METTL15: variants seen among roughly 807,000 people sequenced by gnomAD.
METTL15 encodes the protein methyltransferase 15, mitochondrial 12S rRNA N4-cytidine.
METTL15 carries 34 observed loss-of-function variants against 38.3 expected under a neutral mutation model. The observed-to-expected ratio is 0.89, with a 90% CI of 0.68 to 1.18. METTL15 has a LOEUF of 1.18. Ranked by LOEUF, METTL15 falls within the 50% of genes most tolerant of loss-of-function variation. The pLI is 0.00. For synonymous variants in METTL15, 162 were observed against 170.9 expected (o/e 0.95, Z 0.41); for missense variants, 438 against 498.4 (o/e 0.88, Z 1.15).
At chr11:28,158,733 T>A (rs1203219370) in intron 3 of METTL15, among the ~76,000 whole-genome samples, 2 of 152,196 alleles carry the variant, frequency 1.3e-5, no homozygotes, top group Non-Finnish European at 2.9e-5. Flanking sequence ...CTTTATGGCT[T>A]AAGAAGTGCA....
intron 3 of METTL15, among the ~76,000 whole-genome samples, chr11:28,118,772 C>T (rs1164311567): frequency 1.2e-4 from 18 of 152,106 alleles, no homozygotes; most frequent in African/African-American, 3.4e-4. Context: ...AATTAACTTT[C>T]CATGGTTGTG....
intron 6 of METTL15, among the ~76,000 whole-genome samples, chr11:28,437,641 T>C (rs961121029): frequency 1.3e-5 from 2 of 152,228 alleles, no homozygotes; most frequent in African/African-American, 4.8e-5. Context: ...ATTTACAGTT[T>C]TGCTTAAATC....
intron 6 of METTL15, among the ~76,000 whole-genome samples, chr11:28,324,961 C>T (rs986311587): frequency 6.6e-6 from 1 of 152,214 alleles, no homozygotes; most frequent in Non-Finnish European, 1.5e-5. Flanking sequence ...TGCCCTGTGG[C>T]TCCTGCTGCC....
chr11:28,157,547 T>G (rs930351246), intron 3 of METTL15, among the ~76,000 whole-genome samples: 2 of 152,166 alleles, frequency 1.3e-5, no homozygotes, highest in African/African-American at 4.8e-5. Context: ...TCTTGGCCTG[T>G]TACTGGGCAT....
intron 6 of METTL15, among the ~76,000 whole-genome samples, chr11:28,463,765 G>A (rs1315129843): frequency 2.6e-5 from 4 of 151,754 alleles, no homozygotes; most frequent in Non-Finnish European, 5.9e-5. Context: ...GGTGGCTCCT[G>A]TGGGTTACTA....
chr11:28,238,242 G>A (rs936774085), intron 4 of METTL15, among the ~76,000 whole-genome samples: 2 of 152,212 alleles, frequency 1.3e-5, no homozygotes, highest in Non-Finnish European at 2.9e-5. Context: ...GCCTCCTTGA[G>A]CTGTGGTGGG....
chr11:28,485,679 A>G (rs1851432411), intron 6 of METTL15, among the ~76,000 whole-genome samples: 1 of 152,212 alleles, frequency 6.6e-6, no homozygotes, highest in Non-Finnish European at 1.5e-5. Context: ...CATTTCCTAT[A>G]TGAAATTTCA....
chr11:28,283,146 G>T (rs1043670659), intron 4 of METTL15, among the ~76,000 whole-genome samples: 1 of 152,074 alleles, frequency 6.6e-6, no homozygotes, highest in Admixed American at 6.6e-5. Context: ...GAGGATAAAC[G>T]AATAGATGTT....
intron 5 of METTL15, among the ~76,000 whole-genome samples, chr11:28,404,952 A>C (rs550236633): frequency 6.8e-4 from 103 of 152,292 alleles, no homozygotes; most frequent in Middle Eastern, 3.4e-3. Flanking sequence ...AATATTTGTA[A>C]GACCAATCAT....
rs145492509 is a variant in METTL15 at position 28,440,157 on chromosome 11, T to A, written c.*424+15793T>A. Among the ~76,000 whole-genome samples, 27 of 152,266 alleles carry A rather than the reference T, an allele frequency of 1.8e-4. 1 individual carries two copies. Among genetic ancestry groups the A allele is most frequent in the African/African-American group, 6.3e-4 (26 of 41,544 alleles). On this transcript the variant is annotated intron_variant and NMD_transcript_variant, in intron 6 of 7. Transcript: ENST00000532947. ...TCAATGTCATTTTCAGCATATATTT[T>A]ATTGTATCTTCTTGCATGCCCAATT...
At chr11:28,125,054 A>T (rs1044629752) in intron 3 of METTL15, among the ~76,000 whole-genome samples, 1 of 152,122 alleles carries the variant, frequency 6.6e-6, no homozygotes, top group Non-Finnish European at 1.5e-5. Context: ...GAAGTTAAAT[A>T]CAGACAGGTT....
chr11:28,412,987 A>G (rs1379923716), intron 5 of METTL15, among the ~76,000 whole-genome samples: 1 of 152,070 alleles, frequency 6.6e-6, no homozygotes, highest in Non-Finnish European at 1.5e-5. Context: ...ATATATATCT[A>G]TGTATCTATA....
chr11:28,449,599 TA>T (rs1851102655), intron 6 of METTL15, among the ~76,000 whole-genome samples: 3 of 152,178 alleles, frequency 2.0e-5, no homozygotes, highest in Admixed American at 2.0e-4. Context: ...CGTCTTCTCA[TA>T]TAGAAATGGT....
chr11:28,311,485 T>C (rs1307570307), intron 6 of METTL15, among the ~76,000 whole-genome samples: 1 of 152,198 alleles, frequency 6.6e-6, no homozygotes, highest in East Asian at 1.9e-4. Context: ...TTTGTCTACC[T>C]TATGAACTGT....
At chr11:28,292,973 A>G (rs1476646765) in intron 5 of METTL15, among the ~76,000 whole-genome samples, 1 of 152,152 alleles carries the variant, frequency 6.6e-6, no homozygotes, top group East Asian at 1.9e-4. Context: ...TCAGATGAGT[A>G]GGTTGCAAAA....
At chr11:28,242,198 CTTAT>C (rs1045318180) in intron 4 of METTL15, among the ~76,000 whole-genome samples, 11 of 152,158 alleles carry the variant, frequency 7.2e-5, no homozygotes, top group Admixed American at 2.0e-4. Flanking sequence ...TTAGCATATA[CTTAT>C]TTGTCAATCA....
At chr11:28,440,509 A>G (rs1375664172) in intron 6 of METTL15, among the ~76,000 whole-genome samples, 2 of 152,218 alleles carry the variant, frequency 1.3e-5, no homozygotes, top group African/African-American at 4.8e-5. Flanking sequence ...AGCCTGGGTA[A>G]CTTTCTCAAA....
intron 3 of METTL15, among the ~76,000 whole-genome samples, chr11:28,208,840 G>C (rs937370356): frequency 1.3e-5 from 2 of 151,906 alleles, no homozygotes; most frequent in African/African-American, 2.4e-5. Context: ...TTGTGGTGCT[G>C]GTTGGCTCAT....
Position 28,331,960 on chromosome 11 carries a change from A to G in METTL15, c.*1119A>G, listed in dbSNP as rs1393482045. The G allele has an allele frequency of 6.6e-5, 10 of 152,200 alleles. No homozygotes were observed. The highest frequency in any genetic ancestry group is 3.3e-4 in the Admixed American group (5 of 15,278). 9.4% of individuals were successfully genotyped at this position (152,200 alleles called of 1,614,324 possible). A position where few individuals can be genotyped will look rare whatever the true frequency, so the allele number is the denominator to read the frequency against. ...CTTAGTTATCCTTGAAATCATATTT[A>G]TACTATTAATTTGCTCAGTGCACTT... is the stretch of plus-strand genomic sequence containing the variant. On this transcript the variant is annotated 3_prime_UTR_variant, in exon 7 of 7. Transcript: ENST00000407364.
Sources: allele counts gnomAD v4.1 joint callset (sites outside exome capture counted in the v4.1 genomes callset), GRCh38; gene constraint gnomAD v4.1.1; transcripts MANE v1.5; gene names NCBI Gene and HGNC (gene_info 2026-07-23, HGNC 2026-07-21).